The following RNLS variants were observed in gnomAD, a reference collection of about 807,000 sequenced individuals.
RNLS encodes renalase, FAD dependent amine oxidase, also known as renalase.
Under a neutral mutation model 39.8 loss-of-function variants are expected in RNLS, and 39 were observed. That is an observed-to-expected ratio of 0.98 (90% confidence interval 0.76 to 1.28). RNLS has a LOEUF of 1.28. Ranked by LOEUF, RNLS falls within the 50% of genes most tolerant of loss-of-function variation. RNLS has a pLI of 0.00. For synonymous variants in RNLS, 147 were observed against 150.7 expected (o/e 0.98, Z 0.18); for missense variants, 410 against 413.3 (o/e 0.99, Z 0.07).
the RNLS span, among the ~76,000 whole-genome samples, chr10:88,171,965 C>T: frequency 6.6e-6 from 1 of 152,112 alleles, no homozygotes. Context: ...CAGGCTTGGC[C>T]ATATTGTGGT....
chr10:88,564,440 G>A (rs1204868595), intron 4 of RNLS, among the ~76,000 whole-genome samples: 2 of 152,070 alleles, frequency 1.3e-5, no homozygotes, highest in Admixed American at 1.3e-4. Flanking sequence ...AGAGGGTGGG[G>A]GGTGGAGATG....
chr10:88,190,928 TCCAGGGCAGACGGAAG>T, the RNLS span, among the ~76,000 whole-genome samples: 1 of 152,334 alleles, frequency 6.6e-6, no homozygotes, highest in South Asian at 2.1e-4. Context: ...GTGGGTCTTG[TCCAGGGCAGACGGAAG>T]CCCCCAGGGC....
At chr10:88,445,027 A>G (rs1201625469) in intron 4 of RNLS, among the ~76,000 whole-genome samples, 1 of 152,204 alleles carries the variant, frequency 6.6e-6, no homozygotes, top group East Asian at 1.9e-4. Flanking sequence ...CAGATTCACC[A>G]AAGTTGAAAT....
chr10:88,224,913 T>TG, the RNLS span, among the ~76,000 whole-genome samples: 1 of 152,208 alleles, frequency 6.6e-6, no homozygotes, highest in Non-Finnish European at 1.5e-5. Flanking sequence ...CATTTTATTC[T>TG]CACCATTTAT....
intron 4 of RNLS, among the ~76,000 whole-genome samples, chr10:88,561,148 G>C (rs184533721): frequency 1.1e-3 from 170 of 152,170 alleles, no homozygotes; most frequent in Non-Finnish European, 1.6e-3. Context: ...ATGGCCAAAA[G>C]TGACCAGAAA....
intron 4 of RNLS, among the ~76,000 whole-genome samples, chr10:88,555,840 A>G (rs1848845709): frequency 6.6e-6 from 1 of 152,024 alleles, no homozygotes; most frequent in South Asian, 2.1e-4. Context: ...TCTCCCTCTC[A>G]GTCTTTCTTG....
At chr10:88,500,151 A>G (rs1245712485) in intron 4 of RNLS, among the ~76,000 whole-genome samples, 2 of 152,148 alleles carry the variant, frequency 1.3e-5, no homozygotes, top group Non-Finnish European at 2.9e-5. Context: ...GAAGTTCTGA[A>G]TAACGAGACA....
At chr10:88,441,172 C>G (rs917020767) in intron 4 of RNLS, among the ~76,000 whole-genome samples, 11 of 152,094 alleles carry the variant, frequency 7.2e-5, no homozygotes, top group Non-Finnish European at 1.5e-4. Flanking sequence ...CTTTTCTATG[C>G]CTATTAACGT....
chr10:88,358,568 T>C (rs1274607801), intron 5 of RNLS, among the ~76,000 whole-genome samples: 1 of 152,256 alleles, frequency 6.6e-6, no homozygotes. Flanking sequence ...ATTTATTTGA[T>C]GACAGAGCCC....
At chr10:88,331,802 G>A (rs1847134014) in intron 5 of RNLS, among the ~76,000 whole-genome samples, 2 of 152,096 alleles carry the variant, frequency 1.3e-5, no homozygotes, top group South Asian at 4.1e-4. Flanking sequence ...CTACAATTTA[G>A]CTCTTTTATA....
At chr10:88,556,324 A>C (rs925568020) in intron 4 of RNLS, among the ~76,000 whole-genome samples, 7 of 152,108 alleles carry the variant, frequency 4.6e-5, no homozygotes, top group African/African-American at 1.7e-4. Flanking sequence ...GTACATCTGG[A>C]TTGCACCTAC....
In RNLS at chr10:88,548,050, TC is replaced by T. The variant is rs372567185; in HGVS notation, c.526+24852del. 5.1e-3 allele frequency among the ~76,000 whole-genome samples: 775 copies of T among 150,978 alleles called. 7 individuals carry two copies. Among genetic ancestry groups the T allele is most frequent in the African/African-American group, 0.018 (739 of 41,100 alleles). ...GCTGAGGCGGGGAGGGTGCCTGAGC[TC>T]AGGAGTTCGCAACTAGCCTGGGGAA... On this transcript the variant is annotated intron_variant, in intron 4 of 6. Transcript: ENST00000331772.
chr10:88,474,011 T>C (rs1843679689), intron 4 of RNLS, among the ~76,000 whole-genome samples: 1 of 152,192 alleles, frequency 6.6e-6, no homozygotes, highest in Non-Finnish European at 1.5e-5. Flanking sequence ...AGCATCCTTG[T>C]GAAAATCTGG....
chr10:88,178,052 G>A, the RNLS span, among the ~76,000 whole-genome samples: 5 of 152,188 alleles, frequency 3.3e-5, no homozygotes, highest in Non-Finnish European at 7.3e-5. Context: ...TGGTTCTCAG[G>A]TTCTGGAAGG....
At chr10:88,394,643 T>TTA in intron 4 of RNLS, among the ~76,000 whole-genome samples, 1 of 151,994 alleles carries the variant, frequency 6.6e-6, no homozygotes, top group South Asian at 2.1e-4. Context: ...TGGCGATTCC[T>TTA]CAGGGATCTA....
intron 4 of RNLS, among the ~76,000 whole-genome samples, chr10:88,565,747 C>CTTTTT (rs34655092): frequency 1.9e-4 from 19 of 98,008 alleles, no homozygotes; most frequent in Non-Finnish European, 2.8e-4. Context: ...CGTTATCTTT[C>CTTTTT]TTTTTTTTTT....
At chr10:88,387,914 A>T (rs1355177196) in intron 4 of RNLS, among the ~76,000 whole-genome samples, 1 of 152,184 alleles carries the variant, frequency 6.6e-6, no homozygotes, top group Non-Finnish European at 1.5e-5. Context: ...ACACACCTTG[A>T]AAACATAGAT....
the RNLS span, among the ~76,000 whole-genome samples, chr10:88,237,822 GTAAT>G: frequency 6.6e-6 from 1 of 152,144 alleles, no homozygotes; most frequent in Non-Finnish European, 1.5e-5. Flanking sequence ...ACCAAAAAAA[GTAAT>G]TAAATAATAA....
chr10:88,295,943 G>T (rs555752221), intron 6 of RNLS, among the ~76,000 whole-genome samples: 168 of 152,200 alleles, frequency 1.1e-3, no homozygotes, highest in Non-Finnish European at 2.0e-3. Flanking sequence ...ATGAAATACG[G>T]TTTTCTCTAG....
Sources: gnomAD v4.1 joint callset for allele counts (sites outside exome capture counted in the v4.1 genomes callset) on GRCh38, gnomAD v4.1.1 for gene constraint, MANE v1.5 for transcripts, NCBI Gene and HGNC (gene_info 2026-07-23, HGNC 2026-07-21) for gene names.